Variants in GRID1 observed in about 807,000 individuals in gnomAD.
GRID1 encodes the protein glutamate receptor ionotropic, delta-1.
Under a neutral mutation model 98.0 loss-of-function variants are expected in GRID1, and 28 were observed. That is an observed-to-expected ratio of 0.29 (90% CI 0.21 to 0.39). The LOEUF (loss-of-function observed/expected upper bound fraction) is 0.39. Ranked by LOEUF, GRID1 falls within the 10% of genes least tolerant of loss-of-function variation. GRID1 has a pLI of 1.00. For missense variants in GRID1, 1,111 were observed against 1,340.5 expected, an observed-to-expected ratio of 0.83 and a Z score of 2.67; for synonymous variants, 553 against 538.5, an observed-to-expected ratio of 1.03 and a Z score of -0.37.
rs565095281 is a variant in GRID1 at position 86,140,365 on chromosome 10, A to G, written c.521-1341T>C. 6.6e-5 allele frequency among the ~76,000 whole-genome samples: 10 copies of G among 152,354 alleles called. No individual in the cohort carries two copies. The East Asian group carries it at 1.9e-3, about 29-fold the overall frequency. On this transcript the variant is annotated intron_variant, in intron 3 of 15. Transcript: ENST00000327946. ...AATCCAAATAAACAGTGTTAGTTCC[A>G]CCAGGGTTTGTTCCTAACCTGTCCC...
chr10:85,824,158 A>G (rs1246552258), intron 8 of GRID1, among the ~76,000 whole-genome samples: 1 of 151,722 alleles, frequency 6.6e-6, no homozygotes, highest in Non-Finnish European at 1.5e-5. Context: ...CAAAAGAGGA[A>G]AAGACTTAAA....
At chr10:85,907,760 A>C (rs1386928069) in intron 5 of GRID1, among the ~76,000 whole-genome samples, 2 of 152,198 alleles carry the variant, frequency 1.3e-5, no homozygotes, top group Non-Finnish European at 2.9e-5. Context: ...AACATAGGAG[A>C]AAAATTCTAA....
chr10:86,059,865 T>C (rs71471187), intron 4 of GRID1, among the ~76,000 whole-genome samples: 1,771 of 152,254 alleles, frequency 0.012, 16 homozygotes, highest in Non-Finnish European at 0.019. Flanking sequence ...AGATCATAGA[T>C]ATATACCTAA....
At chr10:85,920,553 C>T (rs1841688189) in intron 4 of GRID1, among the ~76,000 whole-genome samples, 2 of 152,194 alleles carry the variant, frequency 1.3e-5, no homozygotes, top group Admixed American at 1.3e-4. Flanking sequence ...ATCATGGATA[C>T]ACCAGGGCAA....
chr10:86,175,928 C>G (rs1039913612), intron 3 of GRID1, among the ~76,000 whole-genome samples: 2 of 152,210 alleles, frequency 1.3e-5, no homozygotes, highest in African/African-American at 4.8e-5. Flanking sequence ...AGGCTGGTCT[C>G]GAACTGCCGG....
chr10:85,975,662 T>C (rs1157774518), intron 4 of GRID1, among the ~76,000 whole-genome samples: 1 of 152,124 alleles, frequency 6.6e-6, no homozygotes, highest in Non-Finnish European at 1.5e-5. Context: ...TTTTGGAGAC[T>C]GACTCTTTTT....
intron 2 of GRID1, among the ~76,000 whole-genome samples, chr10:86,229,963 A>G (rs2814328): frequency 0.035 from 5,279 of 152,306 alleles, 105 homozygotes; most frequent in Middle Eastern, 0.061. Context: ...GGATCCCCAG[A>G]GCCTGGCCCA....
chr10:85,634,294 C>T (rs201272112), intron 13 of GRID1, among the ~76,000 whole-genome samples: 1,857 of 116,834 alleles, frequency 0.016, 41 homozygotes, highest in African/African-American at 0.065. Flanking sequence ...CTCTCTCTCA[C>T]ACACACACAC....
intron 2 of GRID1, among the ~76,000 whole-genome samples, chr10:86,224,600 G>C (rs756331650): frequency 1.3e-5 from 2 of 152,216 alleles, no homozygotes; most frequent in Non-Finnish European, 2.9e-5. Flanking sequence ...GATGGCAGCT[G>C]TCCTGCACCT....
chr10:85,755,692 C>T lies in GRID1; in HGVS notation c.1234-26078G>A, dbSNP rs949637238. On this transcript the variant is annotated intron_variant, in intron 8 of 15. Transcript: ENST00000327946. ...CAGCCCTTGAAGTGGCACTTCCGCT[C>T]GGGCACCCCTGGGCACTCTGCTGGG... Among the ~76,000 whole-genome samples, 10 of 152,282 alleles carry T rather than the reference C, an allele frequency of 6.6e-5. No individual in the cohort carries two copies. The East Asian group carries it at 7.7e-4, about 12-fold the overall frequency.
intron 3 of GRID1, among the ~76,000 whole-genome samples, chr10:86,202,140 G>C (rs1379120959): frequency 1.3e-5 from 2 of 152,260 alleles, no homozygotes; most frequent in Non-Finnish European, 2.9e-5. Flanking sequence ...AGGTCTGCGA[G>C]CTAGCCCAGA....
intron 4 of GRID1, among the ~76,000 whole-genome samples, chr10:85,977,485 G>A (rs1564640322): frequency 6.6e-6 from 1 of 152,188 alleles, no homozygotes; most frequent in Non-Finnish European, 1.5e-5. Flanking sequence ...TTCAGCCCAT[G>A]GGCAGTGAGC....
chr10:85,923,694 C>T (rs1412215985), intron 4 of GRID1, among the ~76,000 whole-genome samples: 1 of 152,182 alleles, frequency 6.6e-6, no homozygotes, highest in African/African-American at 2.4e-5. Flanking sequence ...TGTAACCAGG[C>T]CTTTCCAATG....
chr10:86,072,684 C>A (rs940707376), intron 4 of GRID1, among the ~76,000 whole-genome samples: 1 of 152,186 alleles, frequency 6.6e-6, no homozygotes, highest in Non-Finnish European at 1.5e-5. Context: ...TCCTTTTTAA[C>A]GTCAGCTTTT....
chr10:86,071,477 C>T (rs997747886), intron 4 of GRID1, among the ~76,000 whole-genome samples: 1 of 152,204 alleles, frequency 6.6e-6, no homozygotes, highest in Non-Finnish European at 1.5e-5. Flanking sequence ...CGTGATATAG[C>T]GTGAGATGCT....
rs780472693 is a variant in GRID1, at chr10:85,602,269, G to A, written c.*4C>T. On this transcript the variant is annotated 3_prime_UTR_variant, in exon 16 of 16. Transcript: ENST00000327946. ...GAGGGTGGGCAGGAGGGCAGGCGGC[G>A]CAGTCAGATGGAGGTCCCGTGGGAG... 14 of 1,496,802 alleles carry A rather than the reference G, an allele frequency of 9.4e-6. No individual in the cohort carries two copies. The Admixed American group carries it at 1.9e-4, about 20-fold the overall frequency. 92.7% of individuals were successfully genotyped at this position (1,496,802 alleles called of 1,614,324 possible).
At chr10:86,018,363 G>C (rs1411260670) in intron 4 of GRID1, among the ~76,000 whole-genome samples, 3 of 152,226 alleles carry the variant, frequency 2.0e-5, no homozygotes, top group Non-Finnish European at 4.4e-5. Flanking sequence ...AAAGCAGACT[G>C]GCTCTCTGGC....
At chr10:86,167,711 T>G (rs1845420870) in intron 3 of GRID1, among the ~76,000 whole-genome samples, 1 of 152,060 alleles carries the variant, frequency 6.6e-6, no homozygotes, top group South Asian at 2.1e-4. Context: ...CACTGCAGAG[T>G]CGGCCCTCCT....
chr10:86,358,481 G>A (rs1025331022), intron 2 of GRID1, among the ~76,000 whole-genome samples: 17 of 152,066 alleles, frequency 1.1e-4, no homozygotes, highest in East Asian at 5.8e-4. Context: ...AGGGAGGGCC[G>A]GGCACGGTGG....
Sources: allele counts gnomAD v4.1 joint callset (sites outside exome capture counted in the v4.1 genomes callset), GRCh38; gene constraint gnomAD v4.1.1; transcripts MANE v1.5; gene names NCBI Gene and HGNC (gene_info 2026-07-23, HGNC 2026-07-21).